The following TTC3 variants were observed in gnomAD, a reference collection of about 807,000 sequenced individuals.
The protein encoded by TTC3 is E3 ubiquitin-protein ligase TTC3.
A neutral mutation model predicts 249.6 loss-of-function variants in TTC3; 180 were observed. The ratio of observed to expected loss-of-function variants is 0.72; its 90% confidence interval spans 0.64 to 0.82. TTC3 has a LOEUF of 0.82. TTC3 is among the 40% of genes least tolerant of loss of function. The pLI is 0.00. For synonymous variants in TTC3, 717 were observed against 805.0 expected (o/e 0.89, Z 1.85); for missense variants, 2,061 against 2,398.4 (o/e 0.86, Z 2.94).
intron 1 of TTC3, among the ~76,000 whole-genome samples, chr21:37,074,498 T>C (rs1433565501): frequency 6.6e-6 from 1 of 152,190 alleles, no homozygotes; most frequent in Admixed American, 6.5e-5. Flanking sequence ...TAGGCGTTCT[T>C]GATGATATTT....
At chr21:37,075,891 AT>A (rs2070778527) in intron 1 of TTC3, among the ~76,000 whole-genome samples, 1 of 152,040 alleles carries the variant, frequency 6.6e-6, no homozygotes, top group Non-Finnish European at 1.5e-5. Context: ...TTTTCTTATG[AT>A]GAATGTTTAA....
chr21:37,111,022 C>A (rs1200764600), intron 11 of TTC3, among the ~76,000 whole-genome samples: 8 of 152,144 alleles, frequency 5.3e-5, no homozygotes, highest in African/African-American at 1.9e-4. Context: ...TTTGTCACCA[C>A]CAGGCCTGCC....
chr21:37,104,588 C>CA (rs141618903), intron 10 of TTC3, among the ~76,000 whole-genome samples: 17,289 of 103,966 alleles, frequency 0.17, 1,381 homozygotes, highest in Admixed American at 0.25. Context: ...AACTCCGTCT[C>CA]AAAAAAAAAA....
At chr21:37,170,000 G>C (rs1447863892) in intron 34 of TTC3, among the ~76,000 whole-genome samples, 9 of 151,970 alleles carry the variant, frequency 5.9e-5, no homozygotes, top group Non-Finnish European at 1.0e-4. Flanking sequence ...GTTCCAGGCA[G>C]ATTAAAGATT....
At chr21:37,138,145 A>G (rs1256670599) in intron 18 of TTC3, among the ~76,000 whole-genome samples, 1 of 152,242 alleles carries the variant, frequency 6.6e-6, no homozygotes, top group East Asian at 1.9e-4. Context: ...TAATGGACGT[A>G]ATGCTACTAC....
chr21:37,189,609 G>A lies in TTC3; in HGVS notation c.5024+1014G>A, dbSNP rs192004935. On this transcript the variant is annotated intron_variant, in intron 39 of 45. Transcript: ENST00000355666. ...GTCGCCCATGCTGGAGTGTAGTGGC[G>A]TGATCTCGGCTCACTGCAAGCTCTG... 7.8e-4 allele frequency among the ~76,000 whole-genome samples: 117 copies of A among 150,920 alleles called. 1 individual carries two copies. The highest frequency in any genetic ancestry group is 1.5e-4 in the Non-Finnish European group (10 of 67,732).
chr21:37,144,258 A>G (rs1170833870), intron 20 of TTC3, among the ~76,000 whole-genome samples: 1 of 152,014 alleles, frequency 6.6e-6, no homozygotes, highest in African/African-American at 2.4e-5. Context: ...AAATATATAT[A>G]TATAAACAAC....
At chr21:37,098,061 G>T in intron 10 of TTC3, 1 of 631,218 alleles carries the variant, frequency 1.6e-6, no homozygotes, top group Non-Finnish European at 2.9e-6. Flanking sequence ...ATAAACCGAG[G>T]CTATCTAGAC....
At chr21:37,174,747 G>A (rs2082089299) in intron 35 of TTC3, among the ~76,000 whole-genome samples, 1 of 152,132 alleles carries the variant, frequency 6.6e-6, no homozygotes, top group Admixed American at 6.5e-5. Context: ...GCTTTGTGAT[G>A]TTAGACAATT....
chr21:37,083,006 C>T (rs2071917274), intron 1 of TTC3: 1 of 985,284 alleles, frequency 1.0e-6, no homozygotes, highest in Non-Finnish European at 1.2e-6. Context: ...CACAATATAT[C>T]CTCTGGATCC....
rs961431970 is a variant in TTC3 at position 37,162,627 on chromosome 21, T to C, written c.3170+564T>C. 3.3e-5 allele frequency among the ~76,000 whole-genome samples: 5 copies of C among 149,814 alleles called. 1 individual carries two copies. In the East Asian group the frequency reaches 5.9e-4, roughly 18 times the overall value. On this transcript the variant is annotated intron_variant, in intron 31 of 45. Transcript: ENST00000355666. ...AAAATGTACAACATGGTTTTTTTTT[T>C]CTCATTTCTTAAAGGAGCTATCAGA...
At chr21:37,116,300 T>A (rs1231241982) in intron 11 of TTC3, among the ~76,000 whole-genome samples, 1 of 152,076 alleles carries the variant, frequency 6.6e-6, no homozygotes, top group Non-Finnish European at 1.5e-5. Flanking sequence ...ATCTATCGAG[T>A]TCATGATAGT....
intron 23 of TTC3, among the ~76,000 whole-genome samples, chr21:37,149,451 C>T (rs943664537): frequency 6.6e-5 from 10 of 152,170 alleles, no homozygotes; most frequent in African/African-American, 2.4e-4. Flanking sequence ...CTTTGAGTCA[C>T]TTCTGCTATG....
intron 11 of TTC3, among the ~76,000 whole-genome samples, chr21:37,111,181 C>T (rs1169160149): frequency 6.6e-6 from 1 of 152,184 alleles, no homozygotes; most frequent in African/African-American, 2.4e-5. Context: ...ATCATAATGA[C>T]AGGATCAAAT....
At chr21:37,100,130 A>T (rs778133058) in intron 10 of TTC3, among the ~76,000 whole-genome samples, 1 of 152,110 alleles carries the variant, frequency 6.6e-6, no homozygotes, top group Non-Finnish European at 1.5e-5. Flanking sequence ...AAGGAGGGAA[A>T]AGGGATTGGA....
At chr21:37,081,176 G>A in intron 1 of TTC3, among the ~76,000 whole-genome samples, 1 of 137,870 alleles carries the variant, frequency 7.3e-6, no homozygotes, top group Non-Finnish European at 1.5e-5. Context: ...GGAGTGCAGT[G>A]GCGCCATCTT....
intron 22 of TTC3, among the ~76,000 whole-genome samples, chr21:37,147,814 C>G (rs1438058203): frequency 6.6e-6 from 1 of 151,888 alleles, no homozygotes; most frequent in African/African-American, 2.4e-5. Flanking sequence ...CTGCAACCTC[C>G]GCCTCCTGGG....
At chr21:37,126,429 A>G (rs966193786) in intron 15 of TTC3, among the ~76,000 whole-genome samples, 1 of 152,080 alleles carries the variant, frequency 6.6e-6, no homozygotes, top group Non-Finnish European at 1.5e-5. Context: ...GTTGTTTCTC[A>G]TTATTGAAAG....
chr21:37,160,685 A>C, intron 29 of TTC3, 117 bp from the exon 30 acceptor site: 1 of 1,089,118 alleles, frequency 9.2e-7, no homozygotes, highest in South Asian at 1.5e-5. Flanking sequence ...ATTTTTGTTA[A>C]ACATTTTATG....
Sources: gnomAD v4.1 joint callset for allele counts (sites outside exome capture counted in the v4.1 genomes callset) on GRCh38, gnomAD v4.1.1 for gene constraint, MANE v1.5 for transcripts, NCBI Gene and HGNC (gene_info 2026-07-23, HGNC 2026-07-21) for gene names.